DAP: variants seen among roughly 807,000 people sequenced by gnomAD.
DAP encodes death associated protein.
A neutral mutation model predicts 13.8 loss-of-function variants in DAP; 8 were observed. That is an observed-to-expected ratio of 0.58 (90% confidence interval 0.34 to 1.05). DAP has a LOEUF of 1.05. DAP is among the 50% of genes least tolerant of loss of function. DAP has a pLI of 0.03. For missense variants in DAP, 106 were observed against 133.2 expected, an observed-to-expected ratio of 0.80 and a Z score of 1.01; for synonymous variants, 47 against 47.5, an observed-to-expected ratio of 0.99 and a Z score of 0.04.
At chr5:10,753,733 G>A (rs191201786) in intron 1 of DAP, among the ~76,000 whole-genome samples, 53 of 152,324 alleles carry the variant, frequency 3.5e-4, no homozygotes, top group African/African-American at 1.2e-3. Flanking sequence ...CCAGCAGGGA[G>A]CTAGGAAGGG....
chr5:10,723,774 C>T (rs1739216667), intron 2 of DAP, among the ~76,000 whole-genome samples: 1 of 152,160 alleles, frequency 6.6e-6, no homozygotes, highest in South Asian at 2.1e-4. Context: ...TCTGAGTTGG[C>T]CCTACATGTT....
Position 10,686,121 on chromosome 5 carries a change from T to C in DAP, c.153-2550A>G, listed in dbSNP as rs190775573. Among the ~76,000 whole-genome samples, 105 of 152,372 alleles carry C rather than the reference T, an allele frequency of 6.9e-4. No homozygotes were observed. The East Asian group carries it at 0.019, about 28-fold the overall frequency. ...CTTTGATGTTACTACTGTAATTGTT[T>C]TGGGGCACCACGAACCGTGCCCATA... On this transcript the variant is annotated intron_variant, in intron 2 of 3. Transcript: ENST00000230895.
At chr5:10,694,690 G>A (rs1738391299) in intron 2 of DAP, among the ~76,000 whole-genome samples, 1 of 152,232 alleles carries the variant, frequency 6.6e-6, no homozygotes, top group African/African-American at 2.4e-5. Flanking sequence ...CGACACTAGA[G>A]CACTGCAGTG....
At chr5:10,723,791 T>C (rs752004487) in intron 2 of DAP, among the ~76,000 whole-genome samples, 7 of 152,208 alleles carry the variant, frequency 4.6e-5, no homozygotes, top group Non-Finnish European at 7.3e-5. Context: ...TGTTATTATA[T>C]GCCATTATCT....
intron 2 of DAP, among the ~76,000 whole-genome samples, chr5:10,731,971 AAT>A (rs1176081711): frequency 1.3e-5 from 2 of 152,168 alleles, no homozygotes; most frequent in African/African-American, 2.4e-5. Flanking sequence ...TCAAGGAGTC[AAT>A]GTGTCCTTGC....
intron 2 of DAP, among the ~76,000 whole-genome samples, chr5:10,709,361 T>A (rs1012704927): frequency 2.6e-5 from 4 of 152,188 alleles, no homozygotes; most frequent in African/African-American, 9.7e-5. Context: ...GCTCACACAG[T>A]GTGACTACTG....
intron 1 of DAP, among the ~76,000 whole-genome samples, chr5:10,753,909 A>G (rs907425579): frequency 3.9e-5 from 6 of 152,270 alleles, no homozygotes; most frequent in African/African-American, 1.4e-4. Flanking sequence ...GGACTGTTCC[A>G]GTGGAAGGAA....
chr5:10,723,039 G>C (rs562429023), intron 2 of DAP, among the ~76,000 whole-genome samples: 1 of 152,310 alleles, frequency 6.6e-6, no homozygotes, highest in South Asian at 2.1e-4. Context: ...ATCTTTCAGA[G>C]TCATGTCCCT....
Position 10,708,365 on chromosome 5 carries a change from C to CACACATGCACAGACATACAT in DAP, c.153-24814_153-24795dup, listed in dbSNP as rs1287538058. Among the ~76,000 whole-genome samples, 7 of 151,984 alleles carry CACACATGCACAGACATACAT rather than the reference C, an allele frequency of 4.6e-5. No individual in the cohort carries two copies. In the East Asian group the frequency reaches 1.4e-3, roughly 29 times the overall value. On this transcript the variant is annotated intron_variant, in intron 2 of 3. Coordinates refer to ENST00000230895, the MANE Select transcript of DAP (RefSeq NM_004394.3). ...ACACAGATACACACAGACGCACATA[C>CACACATGCACAGACATACAT]ACACATGCACAGACATACATACACA...
intron 1 of DAP, among the ~76,000 whole-genome samples, chr5:10,748,887 T>C (rs1429391656): frequency 6.6e-6 from 1 of 152,186 alleles, no homozygotes; most frequent in East Asian, 1.9e-4. Flanking sequence ...AATTCGATGG[T>C]TTTGAGTGCA....
chr5:10,708,442 G>GACACACAC (rs3836780), intron 2 of DAP, among the ~76,000 whole-genome samples: 11 of 147,724 alleles, frequency 7.4e-5, no homozygotes, highest in African/African-American at 2.7e-4. Context: ...ACACATATCA[G>GACACACAC]ACACACACAC....
chr5:10,722,714 A>G (rs1413622956), intron 2 of DAP, among the ~76,000 whole-genome samples: 2 of 151,872 alleles, frequency 1.3e-5, no homozygotes, highest in Non-Finnish European at 2.9e-5. Flanking sequence ...TGCCACAGCA[A>G]TGTCACCTTA....
rs186014807 is a variant in DAP, at chr5:10,695,290, G to A, written c.153-11719C>T. Among the ~76,000 whole-genome samples the A allele has an allele frequency of 3.2e-3, 489 of 152,342 alleles. 3 individuals are homozygous for A. Among genetic ancestry groups the A allele is most frequent in the African/African-American group, 0.011 (455 of 41,580 alleles). On this transcript the variant is annotated intron_variant, in intron 2 of 3. Coordinates refer to ENST00000230895, the MANE Select transcript of DAP (RefSeq NM_004394.3). ...GCTCCGGCCAGCTCAGCCACCTCAA[G>A]GAGAAATGGAAGCCGGCCAGGCACT...
chr5:10,687,928 T>TTTTTTTTTTA (rs140341146), intron 2 of DAP, among the ~76,000 whole-genome samples: 1 of 139,432 alleles, frequency 7.2e-6, no homozygotes, highest in African/African-American at 2.7e-5. Context: ...TTTTTTTTTT[T>TTTTTTTTTTA]ACAGAGGGAG....
At chr5:10,760,767 G>C (rs1182177735) in intron 1 of DAP, among the ~76,000 whole-genome samples, 2 of 152,154 alleles carry the variant, frequency 1.3e-5, no homozygotes, top group African/African-American at 4.8e-5. Flanking sequence ...ACAGGTACGC[G>C]GCCGCCCGCG....
At chr5:10,734,722 T>G (rs1265077913) in intron 2 of DAP, among the ~76,000 whole-genome samples, 3 of 152,180 alleles carry the variant, frequency 2.0e-5, no homozygotes, top group Non-Finnish European at 4.4e-5. Context: ...ATGTTTAATT[T>G]CTATTATATA....
At chr5:10,741,214 G>A (rs547844770) in intron 2 of DAP, among the ~76,000 whole-genome samples, 10 of 152,144 alleles carry the variant, frequency 6.6e-5, no homozygotes, top group South Asian at 2.1e-4. Context: ...TTTGCTGAGC[G>A]TGGTGGTGTA....
chr5:10,728,269 T>C (rs559848513), intron 2 of DAP, among the ~76,000 whole-genome samples: 12 of 152,354 alleles, frequency 7.9e-5, no homozygotes, highest in Non-Finnish European at 1.8e-4. Context: ...TTGAATTCAC[T>C]GGGAATTTGA....
At chr5:10,698,459 A>G (rs927803769) in intron 2 of DAP, among the ~76,000 whole-genome samples, 20 of 152,076 alleles carry the variant, frequency 1.3e-4, no homozygotes, top group African/African-American at 4.8e-4. Flanking sequence ...TTAGAATACA[A>G]TGGGAGCGCA....
Sources: gnomAD v4.1 joint callset for allele counts (sites outside exome capture counted in the v4.1 genomes callset) on GRCh38, gnomAD v4.1.1 for gene constraint, MANE v1.5 for transcripts, NCBI Gene and HGNC (gene_info 2026-07-23, HGNC 2026-07-21) for gene names.